The following BCAS3 variants were observed in gnomAD, a reference collection of about 807,000 sequenced individuals.
BCAS3 encodes the protein BCAS4/BCAS3 fusion.
BCAS3 carries 53 observed loss-of-function variants against 116.1 expected under a neutral mutation model. The observed-to-expected ratio is 0.46, with a 90% CI of 0.37 to 0.57. The LOEUF is 0.57. Among genes scored for constraint, BCAS3 ranks in the 20% least tolerant of loss-of-function variants. The pLI is 0.00. For synonymous variants in BCAS3, 391 were observed against 408.2 expected, an observed-to-expected ratio of 0.96 and a Z score of 0.51; for missense variants, 917 against 1,165.4, an observed-to-expected ratio of 0.79 and a Z score of 3.10.
chr17:60,849,709 TAGA>T (rs371007989), intron 7 of BCAS3, among the ~76,000 whole-genome samples: 215 of 152,238 alleles, frequency 1.4e-3, no homozygotes, highest in African/African-American at 5.0e-3. Context: ...CAGAGGTGCA[TAGA>T]AGAATTGAGT....
chr17:60,983,495 G>A (rs2062939625), intron 14 of BCAS3, among the ~76,000 whole-genome samples: 1 of 152,058 alleles, frequency 6.6e-6, no homozygotes, highest in Non-Finnish European at 1.5e-5. Flanking sequence ...AGTATCTTTA[G>A]CAGTCCTTCT....
intron 6 of BCAS3, among the ~76,000 whole-genome samples, chr17:60,781,021 TG>T (rs2045780459): frequency 1.3e-5 from 2 of 151,928 alleles, no homozygotes; most frequent in Admixed American, 6.6e-5. Flanking sequence ...CAGGCTGGAG[TG>T]CAGTGGCACC....
chr17:61,045,847 CTCTA>C (rs1234728674), intron 19 of BCAS3, among the ~76,000 whole-genome samples: 87 of 2,992 alleles, frequency 0.029, 7 homozygotes, highest in African/African-American at 0.098. Flanking sequence ...CTCTCTCTCT[CTCTA>C]TATATATATA....
In BCAS3 at chr17:61,034,850, T is replaced by A; in HGVS notation, c.1762+60T>A. On this transcript the variant is annotated intron_variant, in intron 17 of 23. Coordinates refer to ENST00000407086, the MANE Select transcript of BCAS3 (RefSeq NM_017679.5). The surrounding 1 kb of genome is among the most constrained non-coding windows in gnomAD (Gnocchi z 5.0). ...TGTAATTTTTGCTTCTTAAGGAAAA[T>A]TTTTAGCAGTTTCCCTAGAATAATC... 2 of 1,493,740 alleles carry A rather than the reference T, an allele frequency of 1.3e-6. No homozygotes were observed. Among genetic ancestry groups the A allele is most frequent in the Non-Finnish European group, 1.8e-6 (2 of 1,101,754 alleles). 92.5% of individuals were successfully genotyped at this position (1,493,740 alleles called of 1,614,324 possible).
At chr17:61,110,981 C>G (rs2075049353) in intron 22 of BCAS3, among the ~76,000 whole-genome samples, 1 of 152,180 alleles carries the variant, frequency 6.6e-6, no homozygotes, top group African/African-American at 2.4e-5. Flanking sequence ...GGCACACTGA[C>G]ACCTCACACA....
chr17:61,194,634 G>A (rs184278520), intron 22 of BCAS3, among the ~76,000 whole-genome samples: 1 of 151,192 alleles, frequency 6.6e-6, no homozygotes, highest in Non-Finnish European at 1.5e-5. Flanking sequence ...CAGCTACTCA[G>A]AAGGCTGAGG....
At chr17:60,775,513 T>A (rs893745854) in intron 6 of BCAS3, among the ~76,000 whole-genome samples, 1 of 151,852 alleles carries the variant, frequency 6.6e-6, no homozygotes, top group Non-Finnish European at 1.5e-5. Context: ...TTTTTTTCTC[T>A]TGTTGTTGTT....
chr17:61,114,542 G>A (rs1051427841), intron 22 of BCAS3, among the ~76,000 whole-genome samples: 4 of 151,274 alleles, frequency 2.6e-5, no homozygotes, highest in Non-Finnish European at 4.4e-5. Context: ...GGGATGTGAA[G>A]GACCTCTTCA....
rs9912919 is a variant in BCAS3 at position 61,259,607 on chromosome 17, C to T, written c.2426-108720C>T. 0.76 allele frequency among the ~76,000 whole-genome samples: 115,755 copies of T among 152,088 alleles called. 44,541 individuals carry two copies. Among genetic ancestry groups the T allele is most frequent in the East Asian group, 0.9 (4,680 of 5,174 alleles). On this transcript the variant is annotated intron_variant, in intron 22 of 23. Coordinates refer to ENST00000407086, the MANE Select transcript of BCAS3 (RefSeq NM_017679.5). This position sits in a 1 kb window ranked among gnomAD's most constrained non-coding sequence, Gnocchi z 4.7. ...TGAAGCCATTTAAGTGTTCCAGCCA[C>T]TGGAGCTGGTTCTCTTTGTTGTTCT...
chr17:60,977,349 TTC>T (rs1303457723), intron 14 of BCAS3, among the ~76,000 whole-genome samples: 1 of 152,066 alleles, frequency 6.6e-6, no homozygotes, highest in African/African-American at 2.4e-5. Flanking sequence ...CTGGCTATTT[TTC>T]TTTTTTCTTT....
intron 15 of BCAS3, among the ~76,000 whole-genome samples, chr17:60,999,103 G>A (rs1034434429): frequency 5.9e-5 from 9 of 151,948 alleles, no homozygotes; most frequent in East Asian, 1.9e-4. Context: ...TATTTTTGTC[G>A]ACTTTGTCGA....
Position 60,754,625 on chromosome 17 carries a change from G to A in BCAS3, c.403+7346G>A, listed in dbSNP as rs552833438. On this transcript the variant is annotated intron_variant, in intron 6 of 23. Transcript: ENST00000407086. ...TGTTTCCTTCCTGCTCCTGGAGAAA[G>A]ACAATCATTTTGGCCTTGAATAATT... Among the ~76,000 whole-genome samples, 235 of 151,976 alleles carry A rather than the reference G, an allele frequency of 1.5e-3. 1 individual carries two copies. The highest frequency in any genetic ancestry group is 2.6e-3 in the Non-Finnish European group (174 of 67,992).
chr17:61,370,578 G>A lies in BCAS3; in HGVS notation c.2593+2084G>A, dbSNP rs111522929. The stretch of plus-strand genomic sequence containing the variant: ...TAATTTTTGCGTTTATGATAGAGAC[G>A]GGGTTTCACCATGTTGGCCAGGCTG... On this transcript the variant is annotated intron_variant, in intron 23 of 23. Transcript: ENST00000407086. Among the ~76,000 whole-genome samples the A allele has an allele frequency of 2.6e-3, 401 of 152,160 alleles. 1 individual carries two copies. The highest frequency in any genetic ancestry group is 9.2e-3 in the African/African-American group (380 of 41,508).
At position 61,083,056 on chromosome 17, in the gene BCAS3, A is replaced by G. The variant is rs1230361078; in HGVS notation, c.2328-1411A>G. Reference sequence around the variant, plus strand: ...TACTTCAGCCAAATCATGCACTTCAAGATGCCCTGAATCTATCGTATTCAG... The same window carrying G: ...TACTTCAGCCAAATCATGCACTTCAGGATGCCCTGAATCTATCGTATTCAG... On this transcript the variant is annotated intron_variant, in intron 21 of 23. Transcript: ENST00000407086. The surrounding 1 kb of genome is among the most constrained non-coding windows in gnomAD (Gnocchi z 4.9). 6.6e-6 allele frequency among the ~76,000 whole-genome samples: 1 copy of G among 152,212 alleles called. No homozygotes were observed. The highest frequency in any genetic ancestry group is 1.5e-5 in the Non-Finnish European group (1 of 68,042).
chr17:61,260,038 A>G (rs2049064075), intron 22 of BCAS3, among the ~76,000 whole-genome samples: 1 of 152,220 alleles, frequency 6.6e-6, no homozygotes. Context: ...AGGTATTCTT[A>G]TGCCCATGTT....
At chr17:60,851,346 C>T (rs1412771257) in intron 7 of BCAS3, 4 of 351,248 alleles carry the variant, frequency 1.1e-5, no homozygotes, top group South Asian at 2.4e-5. Context: ...TGCTGCGGCC[C>T]GCAGGCACCT....
At chr17:60,791,952 A>G (rs1168107579) in intron 6 of BCAS3, among the ~76,000 whole-genome samples, 1 of 151,874 alleles carries the variant, frequency 6.6e-6, no homozygotes, top group Admixed American at 6.6e-5. Flanking sequence ...GTGAAACCCC[A>G]TCTCTACTAA....
At chr17:60,785,351 G>A (rs1005805275) in intron 6 of BCAS3, among the ~76,000 whole-genome samples, 3 of 151,826 alleles carry the variant, frequency 2.0e-5, no homozygotes, top group Non-Finnish European at 4.4e-5. Flanking sequence ...TAGAAATCGG[G>A]TTTCACCATG....
In BCAS3 at chr17:60,773,823, T is replaced by C. The variant is rs577486802; in HGVS notation, c.403+26544T>C. ...CCACCATGCCTGGCTAATTTTTGTA[T>C]TTTTTTGGAGACAGGTTCTCACCGT... On this transcript the variant is annotated intron_variant, in intron 6 of 23. Transcript: ENST00000407086. 3.3e-5 allele frequency among the ~76,000 whole-genome samples: 5 copies of C among 152,224 alleles called. No homozygotes were observed. The South Asian group carries it at 1.0e-3, about 32-fold the overall frequency.
Sources: allele counts gnomAD v4.1 joint callset (sites outside exome capture counted in the v4.1 genomes callset), GRCh38; gene constraint gnomAD v4.1.1; non-coding constraint Gnocchi (gnomAD v3.1); transcripts MANE v1.5; gene names NCBI Gene and HGNC (gene_info 2026-07-23, HGNC 2026-07-21).